LARGE1: variants seen among roughly 807,000 people sequenced by gnomAD.
LARGE1 encodes xylosyl- and glucuronyltransferase LARGE1.
A neutral mutation model predicts 87.6 loss-of-function variants in LARGE1; 43 were observed. That is an observed-to-expected ratio of 0.49 (90% CI 0.38 to 0.63). LARGE1 has a LOEUF of 0.63. Ranked by LOEUF, LARGE1 falls within the 30% of genes least tolerant of loss-of-function variation. The probability of loss-of-function intolerance (pLI) is 0.00; values close to 1 mark genes in which losing one functional copy is unlikely to be tolerated. For synonymous variants in LARGE1, 434 were observed against 394.6 expected (o/e 1.10, Z -1.18); for missense variants, 802 against 1,000.2 (o/e 0.80, Z 2.67).
At chr22:33,313,149 A>G (rs1047151617) in intron 11 of LARGE1, among the ~76,000 whole-genome samples, 4 of 151,770 alleles carry the variant, frequency 2.6e-5, no homozygotes, top group African/African-American at 7.3e-5. Context: ...TCTCCCTCCT[A>G]CACCCTAAGC....
chr22:33,628,411 G>C (rs1006325962), intron 3 of LARGE1, among the ~76,000 whole-genome samples: 1 of 151,486 alleles, frequency 6.6e-6, no homozygotes, highest in Non-Finnish European at 1.5e-5. Context: ...CTGCCCCCCA[G>C]GTTCAAGTGA....
chr22:33,773,788 T>C (rs1411410219), intron 1 of LARGE1, among the ~76,000 whole-genome samples: 3 of 152,338 alleles, frequency 2.0e-5, no homozygotes, highest in South Asian at 2.1e-4. Context: ...GCACTCGTGG[T>C]TGTTGCAAGG....
chr22:33,451,463 G>A (rs1331061498), intron 6 of LARGE1, among the ~76,000 whole-genome samples: 3 of 151,734 alleles, frequency 2.0e-5, no homozygotes, highest in Non-Finnish European at 4.4e-5. Flanking sequence ...CATCACCCGA[G>A]CAGTAGACAC....
At chr22:33,130,489 A>C in the LARGE1 span, among the ~76,000 whole-genome samples, 2 of 151,086 alleles carry the variant, frequency 1.3e-5, no homozygotes, top group African/African-American at 4.9e-5. Context: ...GACACTGTCT[A>C]ATAATAATAA....
chr22:33,656,083 G>A (rs77914683), intron 2 of LARGE1, among the ~76,000 whole-genome samples: 2 of 145,964 alleles, frequency 1.4e-5, no homozygotes, highest in East Asian at 2.0e-4. Flanking sequence ...GTGTGTGTGT[G>A]TACACACACA....
At chr22:33,257,066 G>A (rs891552037) in intron 11 of LARGE1, among the ~76,000 whole-genome samples, 1 of 152,146 alleles carries the variant, frequency 6.6e-6, no homozygotes, top group African/African-American at 2.4e-5. Flanking sequence ...TTAGCCGGGC[G>A]TGGTGGTGCA....
chr22:33,387,761 GTCTTT>G (rs1391737060), intron 7 of LARGE1, among the ~76,000 whole-genome samples: 1 of 152,176 alleles, frequency 6.6e-6, no homozygotes, highest in African/African-American at 2.4e-5. Flanking sequence ...CTGTTAGCCA[GTCTTT>G]TCTTTTGCGT....
chr22:33,317,721 G>A (rs1936306926), intron 10 of LARGE1, among the ~76,000 whole-genome samples: 2 of 152,162 alleles, frequency 1.3e-5, no homozygotes, highest in African/African-American at 4.8e-5. Context: ...CAGGTATGAT[G>A]TATGTTTTAC....
chr22:33,226,318 C>T (rs543910555), intron 11 of LARGE1, among the ~76,000 whole-genome samples: 1 of 152,346 alleles, frequency 6.6e-6, no homozygotes, highest in African/African-American at 2.4e-5. Context: ...TCTATTTCTC[C>T]ACCGTAGTAG....
chr22:33,501,273 C>T (rs113983985), intron 6 of LARGE1, among the ~76,000 whole-genome samples: 21 of 152,180 alleles, frequency 1.4e-4, no homozygotes, highest in African/African-American at 4.6e-4. Context: ...AGGCAGTGAG[C>T]GGCAGAGGGG....
chr22:33,262,110 A>G (rs1194754119), intron 11 of LARGE1, among the ~76,000 whole-genome samples: 1 of 152,214 alleles, frequency 6.6e-6, no homozygotes, highest in Non-Finnish European at 1.5e-5. Context: ...GAAAGCCTTA[A>G]AAGACGGGCA....
At chr22:33,340,882 C>T (rs60481513) in intron 9 of LARGE1, among the ~76,000 whole-genome samples, 13,987 of 151,820 alleles carry the variant, frequency 0.092, 1,684 homozygotes, top group African/African-American at 0.25. Context: ...CCCAAGCCCA[C>T]ATTCTTTCCT....
intron 2 of LARGE1, among the ~76,000 whole-genome samples, chr22:33,693,961 T>C (rs2082172652): frequency 6.6e-6 from 1 of 152,178 alleles, no homozygotes; most frequent in African/African-American, 2.4e-5. Flanking sequence ...GTGTAGCCAG[T>C]GACCATTTTA....
intron 11 of LARGE1, among the ~76,000 whole-genome samples, chr22:33,197,774 T>G (rs1056617374): frequency 1.3e-5 from 2 of 152,160 alleles, no homozygotes; most frequent in African/African-American, 4.8e-5. Context: ...TCAGAGGCAC[T>G]GATAATCTAA....
At chr22:33,919,817 G>C (rs946259509) in intron 1 of LARGE1, among the ~76,000 whole-genome samples, 178 bp downstream of exon 1, 5 of 152,202 alleles carry the variant, frequency 3.3e-5, no homozygotes, top group Non-Finnish European at 7.3e-5. Context: ...GGACTTCGGA[G>C]ACTGGGGGCT....
chr22:33,870,857 C>T (rs2064257960), intron 1 of LARGE1, among the ~76,000 whole-genome samples: 3 of 152,300 alleles, frequency 2.0e-5, no homozygotes, highest in South Asian at 4.1e-4. Context: ...CGTGAGCCAC[C>T]GTGCCCGGCC....
chr22:33,279,357 C>T (rs1261126392), intron 13 of LARGE1, among the ~76,000 whole-genome samples: 1 of 152,216 alleles, frequency 6.6e-6, no homozygotes, highest in Non-Finnish European at 1.5e-5. Context: ...TGGGTTCCAT[C>T]TCATCCTGTG....
chr22:33,379,434 C>T (rs901838238), intron 9 of LARGE1, among the ~76,000 whole-genome samples: 1 of 151,972 alleles, frequency 6.6e-6, no homozygotes, highest in African/African-American at 2.4e-5. Context: ...CATGACAGGC[C>T]CCGGTGTGTG....
chr22:33,443,883 C>T (rs1290866421), intron 6 of LARGE1, among the ~76,000 whole-genome samples: 4 of 152,246 alleles, frequency 2.6e-5, no homozygotes, highest in South Asian at 2.1e-4. Flanking sequence ...GCATGGCTGC[C>T]GCCACCTCTC....
Sources: allele counts gnomAD v4.1 joint callset (sites outside exome capture counted in the v4.1 genomes callset), GRCh38; gene constraint gnomAD v4.1.1; transcripts MANE v1.5; gene names NCBI Gene and HGNC (gene_info 2026-07-23, HGNC 2026-07-21).